Variants in PBX1 observed in about 807,000 individuals in gnomAD.
PBX1 encodes PBX homeobox 1, also known as pre-B-cell leukemia transcription factor 1.
Under a neutral mutation model 53.4 loss-of-function variants are expected in PBX1, and 6 were observed. The observed-to-expected ratio is 0.11, with a 90% CI of 0.06 to 0.22. The LOEUF (loss-of-function observed/expected upper bound fraction) is 0.22, where lower values mean the gene tolerates loss of function less well. Ranked by LOEUF, PBX1 falls within the 10% of genes least tolerant of loss-of-function variation. The pLI is 1.00. For missense variants in PBX1, 251 were observed against 551.4 expected, an observed-to-expected ratio of 0.46 and a Z score of 5.46; for synonymous variants, 204 against 212.3, an observed-to-expected ratio of 0.96 and a Z score of 0.34.
At chr1:164,857,722 G>A (rs1048605836) in intron 2 of PBX1, among the ~76,000 whole-genome samples, 2 of 152,106 alleles carry the variant, frequency 1.3e-5, no homozygotes, top group Admixed American at 6.6e-5. Context: ...CCAGGAACTG[G>A]GGACAAAGAC....
At chr1:164,678,764 G>A (rs898739200) in intron 2 of PBX1, among the ~76,000 whole-genome samples, 2 of 152,154 alleles carry the variant, frequency 1.3e-5, no homozygotes, top group East Asian at 3.8e-4. Flanking sequence ...GGAAACCACA[G>A]CTAAGGGTAT....
chr1:164,719,858 CA>C (rs1664307514), intron 2 of PBX1, among the ~76,000 whole-genome samples: 1 of 152,080 alleles, frequency 6.6e-6, no homozygotes, highest in South Asian at 2.1e-4. Context: ...GACAGGTGAT[CA>C]GAGCAATGTG....
At chr1:164,603,491 A>C (rs1656320231) in intron 2 of PBX1, among the ~76,000 whole-genome samples, 1 of 152,164 alleles carries the variant, frequency 6.6e-6, no homozygotes, top group Non-Finnish European at 1.5e-5. Context: ...ACTTTAAGCA[A>C]CTCCATTATG....
At chr1:164,657,183 C>T (rs1420161787) in intron 2 of PBX1, 1 of 152,146 alleles carries the variant, frequency 6.6e-6, no homozygotes, top group African/African-American at 2.4e-5. Context: ...TTCCGAAATC[C>T]ATGGTGGTTG....
chr1:164,800,177 CTT>C (rs1260984507), intron 4 of PBX1, among the ~76,000 whole-genome samples: 2 of 152,202 alleles, frequency 1.3e-5, no homozygotes, highest in Non-Finnish European at 2.9e-5. Flanking sequence ...CTAGGTACCT[CTT>C]TTACAGTTGC....
chr1:164,647,599 A>G (rs1659535237), intron 2 of PBX1, among the ~76,000 whole-genome samples: 1 of 152,192 alleles, frequency 6.6e-6, no homozygotes, highest in Non-Finnish European at 1.5e-5. Context: ...TGTTACGGCA[A>G]TAAAAATCAT....
chr1:164,577,238 G>A (rs1328859020), intron 2 of PBX1, among the ~76,000 whole-genome samples: 1 of 152,136 alleles, frequency 6.6e-6, no homozygotes, highest in Non-Finnish European at 1.5e-5. Context: ...AAAGAACCTT[G>A]ATGTACTTTA....
chr1:164,848,163 C>T lies in PBX1; in HGVS notation c.*1487C>T. ...GGTAATGTTTTCATTGAAATCATCA[C>T]AGTGATTTTTATTCCCTGGGAACAC... On this transcript the variant is annotated 3_prime_UTR_variant, in exon 9 of 9. Coordinates refer to ENST00000420696, the MANE Select transcript of PBX1 (RefSeq NM_002585.4). 1 of 1,049,914 alleles carries T rather than the reference C, an allele frequency of 9.5e-7. No homozygotes were observed. Among genetic ancestry groups the T allele is most frequent in the Non-Finnish European group, 1.1e-6 (1 of 869,628 alleles). 65.0% of individuals were successfully genotyped at this position (1,049,914 alleles called of 1,614,324 possible).
At chr1:164,742,790 A>G (rs1665681477) in intron 2 of PBX1, among the ~76,000 whole-genome samples, 1 of 152,166 alleles carries the variant, frequency 6.6e-6, no homozygotes, top group Non-Finnish European at 1.5e-5. Context: ...GATCAATTTA[A>G]CCAAATTTGG....
At chr1:164,841,808 T>A (rs1242674814) in intron 8 of PBX1, among the ~76,000 whole-genome samples, 1 of 151,996 alleles carries the variant, frequency 6.6e-6, no homozygotes, top group Non-Finnish European at 1.5e-5. Flanking sequence ...GTGTCTCTGT[T>A]TTTCTTCCCG....
chr1:164,588,768 C>T (rs1655140002), intron 2 of PBX1, among the ~76,000 whole-genome samples: 1 of 152,088 alleles, frequency 6.6e-6, no homozygotes, highest in Non-Finnish European at 1.5e-5. Context: ...ATGGGCCCAA[C>T]AGCCTTGTTT....
intron 8 of PBX1, among the ~76,000 whole-genome samples, chr1:164,843,793 T>C (rs900039957): frequency 1.3e-5 from 2 of 152,164 alleles, no homozygotes; most frequent in African/African-American, 4.8e-5. Flanking sequence ...TTGAGTTATT[T>C]CAGGTCTGGG....
chr1:164,874,787 C>G (rs531583301), intron 2 of PBX1, among the ~76,000 whole-genome samples: 8 of 152,186 alleles, frequency 5.3e-5, no homozygotes, highest in Non-Finnish European at 1.0e-4. Context: ...AGCCACTGTG[C>G]CCAGCTTTAC....
intron 2 of PBX1, among the ~76,000 whole-genome samples, chr1:164,725,780 T>G (rs1664669468): frequency 6.6e-6 from 1 of 152,166 alleles, no homozygotes; most frequent in South Asian, 2.1e-4. Context: ...CTTACATGAC[T>G]GAATCCTCAC....
chr1:164,849,281 G>T lies in PBX1; in HGVS notation c.*2605G>T. 6.5e-7 allele frequency: 1 copy of T among 1,533,140 alleles called. No homozygotes were observed. Among genetic ancestry groups the T allele is most frequent in the South Asian group, 1.2e-5 (1 of 83,654 alleles). 95.0% of individuals were successfully genotyped at this position (1,533,140 alleles called of 1,614,324 possible). ...TCTCCGGGCCGTAGTTTTCACTGAT[G>T]ATCACCTTTCACAGCATTTTCCCCA... On this transcript the variant is annotated 3_prime_UTR_variant, in exon 9 of 9. Coordinates refer to ENST00000420696, the MANE Select transcript of PBX1 (RefSeq NM_002585.4).
intron 2 of PBX1, among the ~76,000 whole-genome samples, chr1:164,762,252 A>T (rs544968264): frequency 2.6e-5 from 4 of 152,326 alleles, no homozygotes; most frequent in African/African-American, 9.6e-5. Context: ...TTAAAAGACA[A>T]AGTGTTGGAA....
intron 1 of PBX1, 87 bp downstream of exon 1, chr1:164,560,100 C>T: frequency 5.0e-6 from 5 of 1,002,926 alleles, no homozygotes; most frequent in Non-Finnish European, 6.9e-6. Flanking sequence ...CGAATCACCA[C>T]AGCGCTTTTT....
At chr1:164,603,961 T>TTTTTTA (rs1553214847) in intron 2 of PBX1, among the ~76,000 whole-genome samples, 13 of 132,030 alleles carry the variant, frequency 9.8e-5, no homozygotes, top group African/African-American at 3.4e-4. Flanking sequence ...TTTTTTTTTT[T>TTTTTTA]TAGAGATGAG....
intron 2 of PBX1, among the ~76,000 whole-genome samples, chr1:164,650,520 C>T (rs1345475370): frequency 6.6e-6 from 1 of 152,168 alleles, no homozygotes; most frequent in Non-Finnish European, 1.5e-5. Flanking sequence ...ACCACCATGC[C>T]TAACTATCGT....
Sources: gnomAD v4.1 joint callset for allele counts (sites outside exome capture counted in the v4.1 genomes callset) on GRCh38, gnomAD v4.1.1 for gene constraint, MANE v1.5 for transcripts, NCBI Gene and HGNC (gene_info 2026-07-23, HGNC 2026-07-21) for gene names.